Variants in CAMK1D observed in about 807,000 individuals in gnomAD.
CAMK1D encodes the protein calcium/calmodulin dependent protein kinase ID, also known as calcium/calmodulin-dependent protein kinase type 1D.
A neutral mutation model predicts 47.7 loss-of-function variants in CAMK1D; 9 were observed. The ratio of observed to expected loss-of-function variants is 0.19; its 90% CI spans 0.11 to 0.33. CAMK1D has a LOEUF of 0.33. Ranked by LOEUF, CAMK1D falls within the 10% of genes least tolerant of loss-of-function variation. CAMK1D has a pLI of 1.00. For synonymous variants in CAMK1D, 184 were observed against 184.9 expected, an observed-to-expected ratio of 0.99 and a Z score of 0.04; for missense variants, 291 against 488.7, an observed-to-expected ratio of 0.60 and a Z score of 3.81.
intron 3 of CAMK1D, among the ~76,000 whole-genome samples, chr10:12,737,982 C>T (rs945513654): frequency 6.6e-6 from 1 of 152,092 alleles, no homozygotes; most frequent in South Asian, 2.1e-4. Context: ...ATAATATACT[C>T]AGTGTAAAAT....
chr10:12,614,170 G>A (rs1017481618), intron 2 of CAMK1D, among the ~76,000 whole-genome samples: 5 of 152,100 alleles, frequency 3.3e-5, no homozygotes, highest in African/African-American at 1.2e-4. Flanking sequence ...TCTGAGTCTC[G>A]GTTTCCTTAT....
At chr10:12,619,997 T>G (rs1838940979) in intron 2 of CAMK1D, among the ~76,000 whole-genome samples, 1 of 152,130 alleles carries the variant, frequency 6.6e-6, no homozygotes, top group South Asian at 2.1e-4. Flanking sequence ...TGGAGATTTA[T>G]CGAAGTTGTT....
At chr10:12,613,826 G>C (rs904437107) in intron 2 of CAMK1D, among the ~76,000 whole-genome samples, 2 of 152,308 alleles carry the variant, frequency 1.3e-5, no homozygotes, top group African/African-American at 4.8e-5. Flanking sequence ...AGAGTTCTGG[G>C]TACGGTTGAG....
chr10:12,466,074 T>G (rs1444822964), intron 1 of CAMK1D, among the ~76,000 whole-genome samples: 7 of 152,226 alleles, frequency 4.6e-5, no homozygotes, highest in African/African-American at 1.7e-4. Flanking sequence ...TCCCAGCTGC[T>G]TGGGAGGTTG....
chr10:12,646,791 T>C (rs1447763531), intron 2 of CAMK1D, among the ~76,000 whole-genome samples: 1 of 152,278 alleles, frequency 6.6e-6, no homozygotes, highest in Non-Finnish European at 1.5e-5. Context: ...CTAAAAACTC[T>C]TTATCGTTCA....
At chr10:12,785,271 T>C (rs1837672611) in intron 5 of CAMK1D, among the ~76,000 whole-genome samples, 4 of 152,190 alleles carry the variant, frequency 2.6e-5, no homozygotes, top group Admixed American at 1.3e-4. Context: ...CCTTCTGTTG[T>C]GTCTGGGCCA....
intron 2 of CAMK1D, among the ~76,000 whole-genome samples, chr10:12,572,441 T>C (rs896929325): frequency 3.9e-5 from 6 of 152,060 alleles, no homozygotes; most frequent in South Asian, 4.1e-4. Context: ...GGGGTAACCA[T>C]TGAAAATTTT....
At chr10:12,665,809 G>A (rs549326922) in intron 2 of CAMK1D, among the ~76,000 whole-genome samples, 19 of 152,204 alleles carry the variant, frequency 1.2e-4, no homozygotes, top group Non-Finnish European at 2.4e-4. Flanking sequence ...CGGCAGTACC[G>A]ATATCTCCTG....
intron 3 of CAMK1D, among the ~76,000 whole-genome samples, chr10:12,701,252 T>G (rs1833507457): frequency 6.6e-6 from 1 of 152,136 alleles, no homozygotes; most frequent in Admixed American, 6.6e-5. Flanking sequence ...AGCTGGGATC[T>G]CATACATTAT....
intron 3 of CAMK1D, among the ~76,000 whole-genome samples, chr10:12,742,248 A>G (rs1835466172): frequency 6.6e-6 from 1 of 151,934 alleles, no homozygotes; most frequent in African/African-American, 2.4e-5. Context: ...CCATCCTTCC[A>G]CCTCAGCCCT....
intron 2 of CAMK1D, among the ~76,000 whole-genome samples, chr10:12,612,336 T>G (rs1394814163): frequency 7.2e-6 from 1 of 139,048 alleles, no homozygotes; most frequent in Admixed American, 8.2e-5. Flanking sequence ...AATTAATTAA[T>G]TACTTTTTTT....
intron 3 of CAMK1D, among the ~76,000 whole-genome samples, chr10:12,718,020 A>G (rs1834224328): frequency 6.6e-6 from 1 of 152,116 alleles, no homozygotes; most frequent in African/African-American, 2.4e-5. Flanking sequence ...CATATTTCAT[A>G]CTAAATTATT....
chr10:12,685,587 C>T (rs45491993), intron 3 of CAMK1D, among the ~76,000 whole-genome samples: 6,842 of 152,210 alleles, frequency 0.045, 237 homozygotes, highest in Middle Eastern at 0.12. Context: ...TATAAAGAGC[C>T]TGGGCTGTTC....
intron 4 of CAMK1D, among the ~76,000 whole-genome samples, chr10:12,765,958 C>CTTTTTTT (rs147498267): frequency 3.5e-5 from 3 of 86,490 alleles, no homozygotes; most frequent in East Asian, 3.5e-4. Flanking sequence ...CCATCCTAAT[C>CTTTTTTT]TTTTTTTTTT....
At chr10:12,515,912 T>G (rs1191364580) in intron 1 of CAMK1D, among the ~76,000 whole-genome samples, 5 of 150,428 alleles carry the variant, frequency 3.3e-5, no homozygotes, top group African/African-American at 9.8e-5. Flanking sequence ...TGCAGGGCCA[T>G]AGTTTTCCTT....
At chr10:12,824,869 G>A (rs930816570) in intron 9 of CAMK1D, among the ~76,000 whole-genome samples, 2 of 152,008 alleles carry the variant, frequency 1.3e-5, no homozygotes, top group African/African-American at 4.8e-5. Context: ...ATATGGAGGG[G>A]GAAAAAACAG....
chr10:12,480,113 ATCCT>A (rs1834019570), intron 1 of CAMK1D, among the ~76,000 whole-genome samples: 1 of 152,038 alleles, frequency 6.6e-6, no homozygotes, highest in Non-Finnish European at 1.5e-5. Flanking sequence ...TGCTTGGCAG[ATCCT>A]TCCTGTTTCC....
intron 7 of CAMK1D, among the ~76,000 whole-genome samples, chr10:12,814,968 C>A (rs890948534): frequency 3.3e-5 from 5 of 152,192 alleles, no homozygotes; most frequent in Non-Finnish European, 7.4e-5. Context: ...TAGTAGCTGA[C>A]ATTTATTGAG....
At chr10:12,524,624 G>A (rs374092983) in intron 1 of CAMK1D, among the ~76,000 whole-genome samples, 15 of 152,020 alleles carry the variant, frequency 9.9e-5, no homozygotes, top group South Asian at 6.2e-4. Flanking sequence ...GGAGAATGGC[G>A]TGAACCCAGG....
Sources: allele counts gnomAD v4.1 joint callset (sites outside exome capture counted in the v4.1 genomes callset), GRCh38; gene constraint gnomAD v4.1.1; transcripts MANE v1.5; gene names NCBI Gene and HGNC (gene_info 2026-07-23, HGNC 2026-07-21).